The following COP1 variants were observed in gnomAD, a reference collection of about 807,000 sequenced individuals.
COP1 encodes the protein E3 ubiquitin-protein ligase COP1.
COP1 carries 24 observed loss-of-function variants against 101.3 expected under a neutral mutation model. The observed-to-expected ratio is 0.24, with a 90% CI of 0.17 to 0.33. COP1 has a LOEUF of 0.33. COP1 is among the 10% of genes least tolerant of loss of function. The pLI is 1.00. For missense variants in COP1, 663 were observed against 906.2 expected, an observed-to-expected ratio of 0.73 and a Z score of 3.45; for synonymous variants, 347 against 341.9, an observed-to-expected ratio of 1.01 and a Z score of -0.17.
chr1:175,955,715 A>T (rs1043342659), intron 18 of COP1, among the ~76,000 whole-genome samples: 11 of 151,546 alleles, frequency 7.3e-5, no homozygotes, highest in Admixed American at 5.3e-4. Flanking sequence ...AATAGAATTT[A>T]AAAAATACCA....
intron 8 of COP1, among the ~76,000 whole-genome samples, chr1:176,121,719 T>C (rs1290150933): frequency 2.6e-5 from 4 of 152,196 alleles, no homozygotes; most frequent in Non-Finnish European, 1.5e-5. Context: ...TCTTCTCTCA[T>C]TGCCTGTTTA....
chr1:176,019,292 G>A (rs937258442), intron 15 of COP1, among the ~76,000 whole-genome samples: 6 of 151,426 alleles, frequency 4.0e-5, no homozygotes, highest in Admixed American at 1.3e-4. Context: ...GTGAAACCCC[G>A]TCTCTACTAA....
At chr1:176,094,800 T>G (rs973995550) in intron 9 of COP1, among the ~76,000 whole-genome samples, 6 of 152,154 alleles carry the variant, frequency 3.9e-5, no homozygotes, top group African/African-American at 1.4e-4. Flanking sequence ...TGAAAAATCT[T>G]TACACATATA....
At chr1:176,045,919 A>G (rs1671443643) in intron 12 of COP1, among the ~76,000 whole-genome samples, 1 of 151,904 alleles carries the variant, frequency 6.6e-6, no homozygotes, top group South Asian at 2.1e-4. Context: ...CATGTCCAAC[A>G]AAGACCTTTA....
intron 3 of COP1, among the ~76,000 whole-genome samples, chr1:176,168,407 G>A (rs1695481177): frequency 6.6e-6 from 1 of 150,608 alleles, no homozygotes; most frequent in Admixed American, 6.6e-5. Flanking sequence ...AGCTGGGTGG[G>A]TGGGGGGAGT....
chr1:176,179,987 A>G (rs1697529347), intron 2 of COP1, among the ~76,000 whole-genome samples: 1 of 152,198 alleles, frequency 6.6e-6, no homozygotes, highest in African/African-American at 2.4e-5. Flanking sequence ...CAAATTACAT[A>G]CCACTGTATA....
At chr1:176,151,269 A>C (rs1640647783) in intron 5 of COP1, among the ~76,000 whole-genome samples, 2 of 150,878 alleles carry the variant, frequency 1.3e-5, no homozygotes, top group South Asian at 4.2e-4. Context: ...GAAAGAAAGA[A>C]AAAGGAAGGA....
At chr1:176,161,551 CTG>C (rs1694325616) in intron 5 of COP1, among the ~76,000 whole-genome samples, 1 of 152,022 alleles carries the variant, frequency 6.6e-6, no homozygotes, top group Non-Finnish European at 1.5e-5. Flanking sequence ...TGAGCTATGA[CTG>C]TACCACTGCA....
chr1:176,195,152 GAGA>G (rs1378303376), intron 1 of COP1, among the ~76,000 whole-genome samples: 11 of 138,896 alleles, frequency 7.9e-5, no homozygotes, highest in African/African-American at 2.9e-4. Flanking sequence ...AGAGGGAGAA[GAGA>G]GGGAAAGAGG....
intron 8 of COP1, among the ~76,000 whole-genome samples, chr1:176,123,699 T>A (rs115947821): frequency 6.6e-6 from 1 of 152,112 alleles, no homozygotes; most frequent in Non-Finnish European, 1.5e-5. Context: ...CTTTACAGAG[T>A]AGAGTAAAAG....
chr1:176,049,515 A>G (rs969442908), intron 11 of COP1, among the ~76,000 whole-genome samples: 15 of 152,066 alleles, frequency 9.9e-5, no homozygotes, highest in Admixed American at 8.5e-4. Context: ...CAAAAAGTAT[A>G]AAGAATAATA....
chr1:175,994,760 C>G (rs906308419), intron 15 of COP1, among the ~76,000 whole-genome samples: 6 of 152,154 alleles, frequency 3.9e-5, no homozygotes, highest in Non-Finnish European at 8.8e-5. Context: ...CCTGAGTGAC[C>G]TACAAAGAGA....
intron 5 of COP1, among the ~76,000 whole-genome samples, chr1:176,158,079 C>CA (rs1558226063): frequency 1.3e-5 from 2 of 150,974 alleles, no homozygotes; most frequent in South Asian, 2.1e-4. Flanking sequence ...AACCCAATAA[C>CA]AAAAAACACA....
chr1:176,028,885 G>A (rs1668196420), intron 14 of COP1, among the ~76,000 whole-genome samples: 2 of 151,058 alleles, frequency 1.3e-5, no homozygotes, highest in South Asian at 4.2e-4. Context: ...AGCCTCCCGG[G>A]TAGCTAGGTG....
At chr1:175,973,667 C>T (rs771952439) in intron 18 of COP1, among the ~76,000 whole-genome samples, 3 of 152,130 alleles carry the variant, frequency 2.0e-5, no homozygotes, top group Non-Finnish European at 2.9e-5. Context: ...CTTTGAAAAA[C>T]ACCCCCATTA....
At chr1:176,113,191 C>T (rs1415004054) in intron 9 of COP1, among the ~76,000 whole-genome samples, 1 of 152,172 alleles carries the variant, frequency 6.6e-6, no homozygotes, top group South Asian at 2.1e-4. Flanking sequence ...CACTCTTTCT[C>T]CACGTCCTTT....
intron 3 of COP1, among the ~76,000 whole-genome samples, chr1:176,174,851 A>AAT (rs1696684303): frequency 6.6e-6 from 1 of 152,144 alleles, no homozygotes; most frequent in Admixed American, 6.5e-5. Flanking sequence ...CATACCTGAA[A>AAT]ATTATTCTTT....
intron 18 of COP1, among the ~76,000 whole-genome samples, chr1:175,962,388 T>TA (rs1341814575): frequency 1.3e-5 from 2 of 152,162 alleles, no homozygotes; most frequent in Non-Finnish European, 2.9e-5. Context: ...AACTAGCCCT[T>TA]ATCTACCATT....
At chr1:176,180,561 T>G (rs1697604013) in intron 2 of COP1, among the ~76,000 whole-genome samples, 1 of 152,228 alleles carries the variant, frequency 6.6e-6, no homozygotes, top group South Asian at 2.1e-4. Context: ...ATTCTGCTGA[T>G]ATAAATGTGT....
Sources: gnomAD v4.1 joint callset for allele counts (sites outside exome capture counted in the v4.1 genomes callset) on GRCh38, gnomAD v4.1.1 for gene constraint, MANE v1.5 for transcripts, NCBI Gene and HGNC (gene_info 2026-07-23, HGNC 2026-07-21) for gene names.